COL25A1: variants seen among roughly 807,000 people sequenced by gnomAD.
The protein encoded by COL25A1 is collagen type XXV alpha 1 chain, also known as collagen alpha-1(XXV) chain.
COL25A1 carries 103 observed loss-of-function variants against 128.4 expected under a neutral mutation model. That is an observed-to-expected ratio of 0.80 (90% confidence interval 0.68 to 0.94). COL25A1 has a LOEUF of 0.94. Among genes scored for constraint, COL25A1 ranks in the 40% least tolerant of loss-of-function variants. The probability of loss-of-function intolerance (pLI) is 0.00; values close to 1 mark genes in which losing one functional copy is unlikely to be tolerated. For synonymous variants in COL25A1, 279 were observed against 277.2 expected (o/e 1.01, Z -0.06); for missense variants, 745 against 840.0 (o/e 0.89, Z 1.40).
intron 31 of COL25A1, among the ~76,000 whole-genome samples, chr4:108,834,543 G>A (rs1733548670): frequency 6.6e-6 from 1 of 150,928 alleles, no homozygotes; most frequent in Non-Finnish European, 1.5e-5. Context: ...GCTACAAATT[G>A]TTAGTTAAAA....
At chr4:109,250,173 A>C (rs1251754887) in intron 3 of COL25A1, among the ~76,000 whole-genome samples, 1 of 152,148 alleles carries the variant, frequency 6.6e-6, no homozygotes, top group Non-Finnish European at 1.5e-5. Context: ...TCACTTTTCT[A>C]AAAATGTCAG....
chr4:109,166,413 T>G (rs1379613619), intron 3 of COL25A1, among the ~76,000 whole-genome samples: 1 of 152,180 alleles, frequency 6.6e-6, no homozygotes, highest in Middle Eastern at 3.2e-3. Context: ...ACCAAATAAG[T>G]GTCATTTTCC....
chr4:109,264,879 T>C (rs1781687387), intron 3 of COL25A1, among the ~76,000 whole-genome samples: 1 of 152,252 alleles, frequency 6.6e-6, no homozygotes, highest in Non-Finnish European at 1.5e-5. Flanking sequence ...ATTACTTTCA[T>C]TATATTTTAT....
Position 108,812,355 on chromosome 4 carries a change from A to T in COL25A1, c.*1572T>A, listed in dbSNP as rs1225620435. On this transcript the variant is annotated 3_prime_UTR_variant, in exon 38 of 38. Transcript: ENST00000399132. ...AAAACCATAAAAATAGAAATTAGTT[A>T]ATATTACCAAATGTGACAAAATCTT... The T allele has an allele frequency of 6.6e-6, 1 of 152,218 alleles. No individual in the cohort carries two copies. Among genetic ancestry groups the T allele is most frequent in the Admixed American group, 6.5e-5 (1 of 15,268 alleles). The allele number at this position is 152,218 out of a possible 1,614,324, so 9.4% of individuals were successfully genotyped here. A position where few individuals can be genotyped will look rare whatever the true frequency, so the allele number is the denominator to read the frequency against.
intron 3 of COL25A1, among the ~76,000 whole-genome samples, chr4:109,231,590 C>T (rs1779169122): frequency 6.6e-6 from 1 of 152,264 alleles, no homozygotes; most frequent in Admixed American, 6.5e-5. Flanking sequence ...CAAACAAGGC[C>T]ATTTGAGTGA....
intron 3 of COL25A1, among the ~76,000 whole-genome samples, chr4:109,065,836 T>C (rs1431826075): frequency 1.3e-5 from 2 of 152,182 alleles, no homozygotes; most frequent in Admixed American, 1.3e-4. Context: ...AAGTATTCAC[T>C]GTATGGCAAG....
At chr4:109,204,140 C>T (rs1776795570) in intron 3 of COL25A1, among the ~76,000 whole-genome samples, 2 of 151,988 alleles carry the variant, frequency 1.3e-5, no homozygotes, top group Admixed American at 6.6e-5. Flanking sequence ...TTCTATAAAA[C>T]AGAAATTGAG....
chr4:109,207,882 A>C (rs1777139283), intron 3 of COL25A1, among the ~76,000 whole-genome samples: 1 of 152,182 alleles, frequency 6.6e-6, no homozygotes, highest in South Asian at 2.1e-4. Context: ...TACTCTATTA[A>C]AGAATTGCTT....
intron 3 of COL25A1, among the ~76,000 whole-genome samples, chr4:109,079,219 T>C (rs1763632103): frequency 6.6e-6 from 1 of 152,234 alleles, no homozygotes; most frequent in African/African-American, 2.4e-5. Flanking sequence ...GTGAATTTTT[T>C]TTCTCCCCAA....
At chr4:109,123,043 C>T (rs189167951) in intron 3 of COL25A1, among the ~76,000 whole-genome samples, 42 of 152,126 alleles carry the variant, frequency 2.8e-4, no homozygotes, top group Admixed American at 2.0e-3. Context: ...ATTGCGGACC[C>T]ACAAAAGCTA....
At position 108,810,408 on chromosome 4, in the gene COL25A1, T is replaced by A. The variant is rs1225345216; in HGVS notation, c.*3519A>T. ...CCATCAGAACATCGTATGCACAGAA[T>A]GTAAATTCAAAAACAAGACCTTTCT... On this transcript the variant is annotated 3_prime_UTR_variant, in exon 38 of 38. Coordinates refer to ENST00000399132, the MANE Select transcript of COL25A1 (RefSeq NM_198721.4). The A allele has an allele frequency of 6.6e-6, 1 of 151,882 alleles. No individual in the cohort carries two copies. Among genetic ancestry groups the A allele is most frequent in the African/African-American group, 2.4e-5 (1 of 41,408 alleles). 9.4% of individuals were successfully genotyped at this position (151,882 alleles called of 1,614,324 possible). A position where few individuals can be genotyped will look rare whatever the true frequency, so the allele number is the denominator to read the frequency against.
At chr4:109,227,147 A>G (rs993542637) in intron 3 of COL25A1, among the ~76,000 whole-genome samples, 2 of 152,208 alleles carry the variant, frequency 1.3e-5, no homozygotes, top group African/African-American at 2.4e-5. Context: ...ATGTACAAAA[A>G]GGAAATTTCT....
chr4:108,816,776 C>T (rs926564465), intron 37 of COL25A1, among the ~76,000 whole-genome samples: 6 of 152,072 alleles, frequency 3.9e-5, no homozygotes, highest in Middle Eastern at 3.2e-3. Flanking sequence ...ATGATATTCT[C>T]TATATGAAAA....
chr4:109,034,586 G>A (rs1204320215), intron 5 of COL25A1, among the ~76,000 whole-genome samples: 2 of 152,056 alleles, frequency 1.3e-5, no homozygotes, highest in African/African-American at 4.8e-5. Context: ...GACCTAGCTT[G>A]GACCCAATCT....
At chr4:109,093,457 G>GAAAAAAAAAAAC (rs1765107363) in intron 3 of COL25A1, among the ~76,000 whole-genome samples, 1 of 69,458 alleles carries the variant, frequency 1.4e-5, no homozygotes, top group African/African-American at 6.7e-5. Flanking sequence ...CCATCTCTAT[G>GAAAAAAAAAAAC]AAAAAAAAAA....
intron 8 of COL25A1, chr4:108,942,373 G>T: frequency 1.9e-6 from 2 of 1,035,028 alleles, no homozygotes; most frequent in Non-Finnish European, 2.9e-6. Flanking sequence ...TCCCTTTCCT[G>T]GGACTTAGAA....
intron 10 of COL25A1, 80 bp downstream of exon 10, chr4:108,940,459 A>C: frequency 8.4e-7 from 1 of 1,192,756 alleles, no homozygotes; most frequent in Non-Finnish European, 1.3e-6. Flanking sequence ...GATGCCCCTC[A>C]CCACCCTACT....
Position 109,013,190 on chromosome 4 carries a change from A to G in COL25A1, c.421-2815T>C, listed in dbSNP as rs1198302176. Among the ~76,000 whole-genome samples the G allele has an allele frequency of 2.0e-5, 3 of 152,312 alleles. No homozygotes were observed. The East Asian group carries it at 5.8e-4, about 29-fold the overall frequency. ...CTAGCTCAAAGTTTGTAAACGCACC[A>G]ATCAGTGCTCTGTGTCTAGCTCAAG... On this transcript the variant is annotated intron_variant, in intron 5 of 37. Transcript: ENST00000399132.
At chr4:109,145,007 A>C (rs1449186514) in intron 3 of COL25A1, among the ~76,000 whole-genome samples, 1 of 152,150 alleles carries the variant, frequency 6.6e-6, no homozygotes, top group Admixed American at 6.6e-5. Flanking sequence ...AACTCCTATA[A>C]AATCCAGTGA....
Sources: allele counts gnomAD v4.1 joint callset (sites outside exome capture counted in the v4.1 genomes callset), GRCh38; gene constraint gnomAD v4.1.1; transcripts MANE v1.5; gene names NCBI Gene and HGNC (gene_info 2026-07-23, HGNC 2026-07-21).